NETO1: variants seen among roughly 807,000 people sequenced by gnomAD.
The protein encoded by NETO1 is neuropilin and tolloid like 1, also known as neuropilin and tolloid-like protein 1.
NETO1 carries 26 observed loss-of-function variants against 61.3 expected under a neutral mutation model. The observed-to-expected ratio is 0.42, with a 90% CI of 0.31 to 0.59. The LOEUF is 0.59. Among genes scored for constraint, NETO1 ranks in the 20% least tolerant of loss-of-function variants. The pLI, the probability that NETO1 is intolerant of heterozygous loss-of-function variation, is 0.12. For synonymous variants in NETO1, 225 were observed against 225.8 expected, an observed-to-expected ratio of 1.00 and a Z score of 0.03; for missense variants, 531 against 662.8, an observed-to-expected ratio of 0.80 and a Z score of 2.18.
At chr18:72,772,196 G>A (rs925658997) in intron 7 of NETO1, among the ~76,000 whole-genome samples, 3 of 152,086 alleles carry the variant, frequency 2.0e-5, no homozygotes, top group South Asian at 2.1e-4. Flanking sequence ...TTATGGCCAG[G>A]TGGAGTGTTC....
rs1568283365 is a variant in NETO1, at chr18:72,867,981, T to G, written c.-690A>C. 6.7e-6 allele frequency: 1 copy of G among 148,566 alleles called. No individual in the cohort carries two copies. The highest frequency in any genetic ancestry group is 6.7e-5 in the Admixed American group (1 of 14,992). 9.2% of individuals were successfully genotyped at this position (148,566 alleles called of 1,614,324 possible). On this transcript the variant is annotated 5_prime_UTR_variant, in exon 1 of 11. Transcript: ENST00000327305. ...GCCGGGCTGCGCGCCACCTCTGCTA[T>G]CTTGCGGAAAGAGGAGCGGGTGGGT... is the stretch of plus-strand genomic sequence containing the variant.
Position 72,744,456 on chromosome 18 carries a change from T to G in NETO1, c.*3723A>C, listed in dbSNP as rs1196080161. 6.6e-6 allele frequency: 1 copy of G among 152,176 alleles called. No homozygotes were observed. Among genetic ancestry groups the G allele is most frequent in the African/African-American group, 2.4e-5 (1 of 41,448 alleles). The allele number at this position is 152,176 out of a possible 1,614,324, so 9.4% of individuals were successfully genotyped here. A position where few individuals can be genotyped will look rare whatever the true frequency, so the allele number is the denominator to read the frequency against. On this transcript the variant is annotated 3_prime_UTR_variant, in exon 11 of 11. Transcript: ENST00000327305. ...TAATTAAGTGCATAGAGATTGATAATTAACTCAAGACCTGTTTATTTTGTT... is the reference window on the plus strand; with the variant it reads ...TAATTAAGTGCATAGAGATTGATAAGTAACTCAAGACCTGTTTATTTTGTT...
chr18:72,865,553 T>C (rs762485373), intron 1 of NETO1: 2 of 1,604,612 alleles, frequency 1.2e-6, no homozygotes, highest in African/African-American at 1.3e-5. Flanking sequence ...ACTACAGGAG[T>C]CACACTGTAT....
chr18:72,749,637 T>C (rs2070525428), intron 9 of NETO1, among the ~76,000 whole-genome samples: 1 of 152,134 alleles, frequency 6.6e-6, no homozygotes, highest in Admixed American at 6.6e-5. Context: ...AAATTGTCCA[T>C]CAAGATGGGT....
intron 6 of NETO1, among the ~76,000 whole-genome samples, chr18:72,792,740 G>A (rs2072166818): frequency 6.6e-6 from 1 of 151,942 alleles, no homozygotes; most frequent in Non-Finnish European, 1.5e-5. Flanking sequence ...GTTCTTCAGA[G>A]AGGCCTGAGG....
intron 4 of NETO1, among the ~76,000 whole-genome samples, chr18:72,846,701 A>G (rs1299123316): frequency 6.6e-6 from 1 of 151,896 alleles, no homozygotes; most frequent in African/African-American, 2.4e-5. Context: ...AAGGATGATT[A>G]TTAGGAGAAA....
chr18:72,824,914 G>A (rs538589099), intron 4 of NETO1, among the ~76,000 whole-genome samples: 2 of 151,864 alleles, frequency 1.3e-5, no homozygotes, highest in Non-Finnish European at 2.9e-5. Flanking sequence ...TAAAAATAAA[G>A]AGATTTGGGA....
intron 8 of NETO1, among the ~76,000 whole-genome samples, chr18:72,751,674 G>A (rs1005011868): frequency 3.3e-5 from 5 of 152,156 alleles, no homozygotes; most frequent in African/African-American, 7.2e-5. Flanking sequence ...GCTGACACAG[G>A]AGAGCTGCCT....
Position 72,749,017 on chromosome 18 carries a change from G to T in NETO1, c.*11C>A. ...GGAACCAAGGGCATCTGCTTACCTT[G>T]AATTTTCTTTCTAGACCCTAGTTGT... On this transcript the variant is annotated 3_prime_UTR_variant, in exon 10 of 11. Coordinates refer to ENST00000327305, the MANE Select transcript of NETO1 (RefSeq NM_138966.5). 1 of 1,602,628 alleles carries T rather than the reference G, an allele frequency of 6.2e-7. No homozygotes were observed. The highest frequency in any genetic ancestry group is 8.5e-7 in the Non-Finnish European group (1 of 1,170,090).
intron 4 of NETO1, among the ~76,000 whole-genome samples, chr18:72,818,663 G>A (rs2073098645): frequency 1.3e-5 from 2 of 152,102 alleles, no homozygotes; most frequent in Admixed American, 6.5e-5. Context: ...AAAATCCACT[G>A]CTTATTGAGA....
At chr18:72,811,286 C>T (rs920213636) in intron 4 of NETO1, among the ~76,000 whole-genome samples, 1 of 152,172 alleles carries the variant, frequency 6.6e-6, no homozygotes, top group Non-Finnish European at 1.5e-5. Flanking sequence ...TCTCTGCACT[C>T]TCATTCTACC....
intron 4 of NETO1, among the ~76,000 whole-genome samples, chr18:72,857,393 T>C (rs1046246872): frequency 6.6e-6 from 1 of 152,202 alleles, no homozygotes. Context: ...ATTTATGTCA[T>C]CTCAAATAGA....
intron 7 of NETO1, among the ~76,000 whole-genome samples, chr18:72,779,614 C>T (rs1274557652): frequency 1.3e-5 from 2 of 152,108 alleles, no homozygotes; most frequent in Admixed American, 6.6e-5. Context: ...TCATCTCTTA[C>T]GTGGAATACT....
At chr18:72,775,351 T>C (rs2071511101) in intron 7 of NETO1, among the ~76,000 whole-genome samples, 1 of 152,230 alleles carries the variant, frequency 6.6e-6, no homozygotes, top group Admixed American at 6.5e-5. Context: ...AAGAACTTCA[T>C]ACCTCCTTTA....
chr18:72,772,792 GTTCT>G lies in NETO1; in HGVS notation c.868+10882_868+10885del, dbSNP rs1356529928. Among the ~76,000 whole-genome samples, 106 of 40,642 alleles carry G rather than the reference GTTCT, an allele frequency of 2.6e-3. 10 individuals carry two copies. The highest frequency in any genetic ancestry group is 6.8e-3 in the South Asian group (5 of 734). 26.7% of individuals were successfully genotyped at this position (40,642 alleles called of 152,430 possible). A position where few individuals can be genotyped will look rare whatever the true frequency, so the allele number is the denominator to read the frequency against. On this transcript the variant is annotated intron_variant, in intron 7 of 10. Transcript: ENST00000327305. ...ATATATATATACAGATCTCTATATA[GTTCT>G]CTCTCTCTCTCTCTCTCTCTCTCTC... is the stretch of plus-strand genomic sequence containing the variant.
chr18:72,819,046 T>A (rs1318381949), intron 4 of NETO1, among the ~76,000 whole-genome samples: 9 of 152,238 alleles, frequency 5.9e-5, no homozygotes, highest in Non-Finnish European at 8.8e-5. Flanking sequence ...TTTATTTTTT[T>A]AATCTAACAT....
chr18:72,844,669 C>T (rs913825073), intron 4 of NETO1, among the ~76,000 whole-genome samples: 2 of 152,158 alleles, frequency 1.3e-5, no homozygotes, highest in African/African-American at 4.8e-5. Context: ...CATTCGTTGA[C>T]TCATTTAGAT....
rs2070524396 is a variant in NETO1, at chr18:72,749,607, AAT to A, written c.1541+453_1541+454del. 3.3e-5 allele frequency among the ~76,000 whole-genome samples: 5 copies of A among 152,256 alleles called. No homozygotes were observed. In the South Asian group the frequency reaches 1.0e-3, roughly 32 times the overall value. The stretch of plus-strand genomic sequence containing the variant: ...CAAAAATAAATACATTATATTGAAA[AAT>A]ATGTTATTTTGGGATTAAAATTGTC... On this transcript the variant is annotated intron_variant, in intron 9 of 10. Coordinates refer to ENST00000327305, the MANE Select transcript of NETO1 (RefSeq NM_138966.5).
chr18:72,774,651 ATTTGTGGC>A (rs2071484810), intron 7 of NETO1, among the ~76,000 whole-genome samples: 1 of 152,294 alleles, frequency 6.6e-6, no homozygotes, highest in African/African-American at 2.4e-5. Flanking sequence ...GTTTCTTGGT[ATTTGTGGC>A]TTCTTCATCT....
Sources: allele counts gnomAD v4.1 joint callset (sites outside exome capture counted in the v4.1 genomes callset), GRCh38; gene constraint gnomAD v4.1.1; transcripts MANE v1.5; gene names NCBI Gene and HGNC (gene_info 2026-07-23, HGNC 2026-07-21).